CSMD1: variants seen among roughly 807,000 people sequenced by gnomAD.
CSMD1 encodes CUB and Sushi multiple domains 1.
CSMD1 carries 213 observed loss-of-function variants against 417.5 expected under a neutral mutation model. That is an observed-to-expected ratio of 0.51 (90% CI 0.46 to 0.57). CSMD1 has a LOEUF of 0.57. Among genes scored for constraint, CSMD1 ranks in the 20% least tolerant of loss-of-function variants. CSMD1 has a pLI of 0.00. For missense variants in CSMD1, 6,923 were observed against 4,529.7 expected, an observed-to-expected ratio of 1.53 and a Z score of -15.17; for synonymous variants, 2,862 against 1,736.8, an observed-to-expected ratio of 1.65 and a Z score of -16.11.
chr8:4,110,695 T>A (rs1371795559), intron 3 of CSMD1, among the ~76,000 whole-genome samples: 1 of 152,080 alleles, frequency 6.6e-6, no homozygotes, highest in East Asian at 1.9e-4. Flanking sequence ...TTTTGCTGCT[T>A]ATAATTTCAG....
chr8:3,455,793 A>C lies in CSMD1; in HGVS notation c.1561+12919T>G, dbSNP rs1816085154. On this transcript the variant is annotated intron_variant, in intron 12 of 69. Transcript: ENST00000635120. ...TTGAGGAGGCAGTCTGTCTGTTCTC[A>C]GATCTCAAGCTGCATGCTGGGAGAA... Among the ~76,000 whole-genome samples the C allele has an allele frequency of 2.6e-5, 4 of 152,224 alleles. No homozygotes were observed. The South Asian group carries it at 8.3e-4, about 31-fold the overall frequency.
At chr8:3,165,185 T>G (rs1284237535) in intron 37 of CSMD1, among the ~76,000 whole-genome samples, 3 of 152,004 alleles carry the variant, frequency 2.0e-5, no homozygotes, top group Non-Finnish European at 4.4e-5. Context: ...CAGTATATGT[T>G]AGAAGCTAAG....
At chr8:4,912,519 C>A (rs1373789030) in intron 1 of CSMD1, among the ~76,000 whole-genome samples, 3 of 152,124 alleles carry the variant, frequency 2.0e-5, no homozygotes, top group Non-Finnish European at 4.4e-5. Flanking sequence ...ATGCCAGATG[C>A]CCCATAAGCT....
intron 41 of CSMD1, chr8:3,127,574 A>C (rs1035808659): frequency 6.6e-6 from 1 of 152,320 alleles, no homozygotes; most frequent in South Asian, 2.1e-4. Context: ...ATTTCACATA[A>C]AATTCAGCAG....
chr8:4,533,307 T>C (rs1207005712), intron 2 of CSMD1, among the ~76,000 whole-genome samples: 2 of 152,214 alleles, frequency 1.3e-5, no homozygotes, highest in African/African-American at 4.8e-5. Context: ...CAAGTTGTCA[T>C]GACACAAAGC....
rs1334325450 is a variant in CSMD1, at chr8:3,998,114, C to A, written c.611-4G>T. ...GTTCCTCCGCAGGCTCCCTCAGCTGCAGGGGCAAAAGCAGAAAGAAAGCAT... is the reference window on the plus strand; with the variant it reads ...GTTCCTCCGCAGGCTCCCTCAGCTGAAGGGGCAAAAGCAGAAAGAAAGCAT... On this transcript the variant is annotated splice_region_variant and splice_polypyrimidine_tract_variant and intron_variant, in intron 4 of 69. Transcript: ENST00000635120. 3.2e-6 allele frequency: 5 copies of A among 1,556,678 alleles called. No homozygotes were observed. The highest frequency in any genetic ancestry group is 1.4e-5 in the African/African-American group (1 of 73,582).
chr8:4,427,790 A>C (rs1308959481), intron 2 of CSMD1, among the ~76,000 whole-genome samples: 1 of 152,218 alleles, frequency 6.6e-6, no homozygotes, highest in Non-Finnish European at 1.5e-5. Flanking sequence ...TTTTTATCAC[A>C]ATGTATAACC....
intron 3 of CSMD1, among the ~76,000 whole-genome samples, chr8:4,211,092 C>T (rs1038718063): frequency 1.3e-5 from 2 of 152,092 alleles, no homozygotes; most frequent in Non-Finnish European, 2.9e-5. Context: ...TTGTACATTA[C>T]ATTTTGGGAA....
chr8:3,444,381 T>A (rs568294911), intron 12 of CSMD1, among the ~76,000 whole-genome samples: 2 of 152,206 alleles, frequency 1.3e-5, no homozygotes, highest in African/African-American at 4.8e-5. Context: ...ATACATTCCA[T>A]AGATTGAAAA....
At chr8:4,958,753 T>C (rs759178166) in intron 1 of CSMD1, among the ~76,000 whole-genome samples, 5 of 151,178 alleles carry the variant, frequency 3.3e-5, no homozygotes, top group Non-Finnish European at 7.4e-5. Flanking sequence ...TCATCAGTAA[T>C]TTCCCCCTGT....
At chr8:3,907,059 A>C (rs1265099689) in intron 5 of CSMD1, among the ~76,000 whole-genome samples, 1 of 152,188 alleles carries the variant, frequency 6.6e-6, no homozygotes, top group Non-Finnish European at 1.5e-5. Context: ...TAAAGTTTCC[A>C]AATGTCGTAG....
intron 47 of CSMD1, among the ~76,000 whole-genome samples, chr8:3,096,448 T>C (rs570647427): frequency 5.0e-4 from 76 of 152,262 alleles, no homozygotes; most frequent in Admixed American, 1.1e-3. Flanking sequence ...TTCTCTCTCA[T>C]GTGCGTGCAC....
chr8:3,594,509 A>G (rs867724370), intron 8 of CSMD1, among the ~76,000 whole-genome samples: 6 of 152,168 alleles, frequency 3.9e-5, no homozygotes, highest in South Asian at 2.1e-4. Context: ...AGACAATTGC[A>G]TATAACTTGG....
At chr8:3,020,475 T>C (rs775537016) in intron 51 of CSMD1, among the ~76,000 whole-genome samples, 1 of 152,104 alleles carries the variant, frequency 6.6e-6, no homozygotes, top group Non-Finnish European at 1.5e-5. Context: ...GTTCAAGACA[T>C]CCTTCTGCTC....
At chr8:3,603,290 C>T (rs1258919704) in intron 8 of CSMD1, among the ~76,000 whole-genome samples, 1 of 152,116 alleles carries the variant, frequency 6.6e-6, no homozygotes, top group Non-Finnish European at 1.5e-5. Context: ...TGCCTGCCTT[C>T]AGTTACAGGC....
intron 5 of CSMD1, among the ~76,000 whole-genome samples, chr8:3,758,190 C>A (rs1797775008): frequency 6.6e-6 from 1 of 152,148 alleles, no homozygotes; most frequent in African/African-American, 2.4e-5. Flanking sequence ...TCTCAAACTC[C>A]TGACCTCAGG....
chr8:4,025,164 G>C (rs988386890), intron 4 of CSMD1, among the ~76,000 whole-genome samples: 1 of 152,244 alleles, frequency 6.6e-6, no homozygotes, highest in Non-Finnish European at 1.5e-5. Flanking sequence ...GTGAGCTCCT[G>C]TGAAGAAATG....
intron 5 of CSMD1, among the ~76,000 whole-genome samples, chr8:3,995,790 G>A (rs1353416778): frequency 2.6e-5 from 4 of 152,160 alleles, no homozygotes; most frequent in Non-Finnish European, 4.4e-5. Context: ...TCTATCCCCG[G>A]CTAATCATGG....
At chr8:3,757,900 G>A (rs957405151) in intron 5 of CSMD1, among the ~76,000 whole-genome samples, 1 of 151,958 alleles carries the variant, frequency 6.6e-6, no homozygotes, top group African/African-American at 2.4e-5. Flanking sequence ...CACCGAGCTG[G>A]AAGATAAACA....
Sources: allele counts gnomAD v4.1 joint callset (sites outside exome capture counted in the v4.1 genomes callset), GRCh38; gene constraint gnomAD v4.1.1; transcripts MANE v1.5; gene names NCBI Gene and HGNC (gene_info 2026-07-23, HGNC 2026-07-21).